The following ARHGAP35 variants were observed in gnomAD, a reference collection of about 807,000 sequenced individuals.
The protein encoded by ARHGAP35 is Rho GTPase activating protein 35, also known as rho GTPase-activating protein 35.
In ARHGAP35, 15 loss-of-function variants were observed where a neutral mutation model predicts 111.1. The ratio of observed to expected loss-of-function variants is 0.13; its 90% CI spans 0.09 to 0.21. ARHGAP35 has a LOEUF of 0.21. Ranked by LOEUF, ARHGAP35 falls within the 10% of genes least tolerant of loss-of-function variation. The pLI is 1.00. For missense variants in ARHGAP35, 1,262 were observed against 1,873.0 expected (o/e 0.67, Z 6.02); for synonymous variants, 643 against 710.3 (o/e 0.91, Z 1.51).
Position 46,862,511 on chromosome 19 carries a change from G to A in ARHGAP35, c.-189+1302G>A, listed in dbSNP as rs144320236. On this transcript the variant is annotated intron_variant, in intron 1 of 6. Transcript: ENST00000672722. Reference sequence around the variant, plus strand: ...TATACCTCTGATACCTCCCGGGCTGGTCACCCATCCCCTTCCTGTTCTGCA... The same window carrying A: ...TATACCTCTGATACCTCCCGGGCTGATCACCCATCCCCTTCCTGTTCTGCA... Among the ~76,000 whole-genome samples the A allele has an allele frequency of 1.1e-3, 169 of 151,694 alleles. 2 individuals carry two copies. The Middle Eastern group carries it at 0.021, about 19-fold the overall frequency.
At chr19:46,947,205 A>G (rs566246862) in intron 3 of ARHGAP35, 1 of 152,328 alleles carries the variant, frequency 6.6e-6, no homozygotes, top group Non-Finnish European at 1.5e-5. Context: ...TATTGACTTT[A>G]TATTAATTAA....
intron 3 of ARHGAP35, among the ~76,000 whole-genome samples, chr19:46,941,472 G>A (rs1290383551): frequency 6.6e-6 from 1 of 151,884 alleles, no homozygotes; most frequent in African/African-American, 2.4e-5. Context: ...GGAGGCCGAG[G>A]TGGGAGAATT....
chr19:46,880,699 T>C (rs2055957146), intron 1 of ARHGAP35, among the ~76,000 whole-genome samples: 1 of 151,976 alleles, frequency 6.6e-6, no homozygotes. Flanking sequence ...TTTTAAGAGA[T>C]GAGGTCTTGC....
intron 3 of ARHGAP35, among the ~76,000 whole-genome samples, chr19:46,952,322 C>A (rs1350762187): frequency 6.6e-6 from 1 of 152,082 alleles, no homozygotes; most frequent in African/African-American, 2.4e-5. Context: ...TTATGATCCT[C>A]CAAATAAATT....
chr19:46,864,098 C>G (rs765444866), intron 1 of ARHGAP35, among the ~76,000 whole-genome samples: 39 of 152,166 alleles, frequency 2.6e-4, no homozygotes, highest in Non-Finnish European at 5.1e-4. Context: ...GTGGGTGGGC[C>G]CTGACATTCC....
chr19:46,906,525 A>G (rs1007112634), intron 1 of ARHGAP35, among the ~76,000 whole-genome samples: 7 of 152,162 alleles, frequency 4.6e-5, no homozygotes, highest in South Asian at 2.1e-4. Context: ...GGGAGATTGT[A>G]TAGAAAAGTG....
chr19:46,947,955 GTGCAGCTTCCA>G (rs1402829804), intron 3 of ARHGAP35: 1 of 152,268 alleles, frequency 6.6e-6, no homozygotes, highest in African/African-American at 2.4e-5. Flanking sequence ...GGGGAAGGTC[GTGCAGCTTCCA>G]TGCCCTCCCT....
rs1490810234 is a variant in ARHGAP35 at position 46,993,546 on chromosome 19, T to A, written c.4036+3871T>A. On this transcript the variant is annotated intron_variant, in intron 5 of 6. Coordinates refer to ENST00000672722, the MANE Select transcript of ARHGAP35 (RefSeq NM_004491.5). The surrounding 1 kb of genome is among the most constrained non-coding windows in gnomAD (Gnocchi z 4.6). ...TGGTGTGTCTGTTTTGTAAGAGGTA[T>A]GGGAAGCTAATCGGTAAGGTCCCTG... Among the ~76,000 whole-genome samples, 1 of 152,186 alleles carries A rather than the reference T, an allele frequency of 6.6e-6. No individual in the cohort carries two copies. Among genetic ancestry groups the A allele is most frequent in the Non-Finnish European group, 1.5e-5 (1 of 68,026 alleles).
rs2056731607 is a variant in ARHGAP35 at position 46,999,058 on chromosome 19, A to T, written c.4037-246A>T. The T allele has an allele frequency of 7.8e-6, 4 of 513,568 alleles. No homozygotes were observed. In the Admixed American group the frequency reaches 1.3e-4, roughly 17 times the overall value. The allele number at this position is 513,568 out of a possible 1,614,324, so 31.8% of individuals were successfully genotyped here. On this transcript the variant is annotated intron_variant, in intron 5 of 6. Transcript: ENST00000672722. This position sits in a 1 kb window ranked among gnomAD's most constrained non-coding sequence, Gnocchi z 5.4. ...TGTTCTGTCTTGGGTGGTGGGGGCC[A>T]GGAAGCCCCAGGCACACAGTGCCGC... is the stretch of plus-strand genomic sequence containing the variant.
rs767101231 is a variant in ARHGAP35, at chr19:46,921,343, G to A, written c.2668G>A (p.Asp890Asn). Residue 890 changes from aspartate (D) to asparagine (N), a missense_variant, in exon 2 of 7, where the codon GAT (aspartate) becomes AAT (asparagine). Asp to Asn is a conservative substitution (Grantham distance 23). Transcript: ENST00000672722. The surrounding 1 kb of genome is among the most constrained non-coding windows in gnomAD (Gnocchi z 4.3). ...CCCTATTCAGCTTGTAGCACTCACT[G>A]ATGGCGCTGTAGATGTCCTGGACAA... ...IIPIQLVALTDGAVDVLDNDL... is the reference protein window; with the variant it reads ...IIPIQLVALTNGAVDVLDNDL... 7 of 1,613,976 alleles carry A rather than the reference G, an allele frequency of 4.3e-6. No homozygotes were observed. The highest frequency in any genetic ancestry group is 5.1e-6 in the Non-Finnish European group (6 of 1,179,904).
At chr19:46,863,562 C>T (rs1249958816) in intron 1 of ARHGAP35, among the ~76,000 whole-genome samples, 1 of 152,052 alleles carries the variant, frequency 6.6e-6, no homozygotes, top group Admixed American at 6.6e-5. Flanking sequence ...TTCTCACTTT[C>T]CCTCCTTCCT....
At chr19:46,911,976 G>C (rs962325025) in intron 1 of ARHGAP35, among the ~76,000 whole-genome samples, 5 of 151,678 alleles carry the variant, frequency 3.3e-5, no homozygotes, top group African/African-American at 1.2e-4. Context: ...TGGAAGCATT[G>C]GGTTTTAAGA....
At chr19:46,939,082 C>T (rs1243229252) in intron 3 of ARHGAP35, among the ~76,000 whole-genome samples, 1 of 152,166 alleles carries the variant, frequency 6.6e-6, no homozygotes, top group Non-Finnish European at 1.5e-5. Flanking sequence ...ATAATCATTA[C>T]AGATCTATAG....
intron 3 of ARHGAP35, among the ~76,000 whole-genome samples, chr19:46,942,010 T>C (rs1486374945): frequency 6.6e-6 from 1 of 152,170 alleles, no homozygotes; most frequent in East Asian, 1.9e-4. Context: ...GTTTGTACTT[T>C]TATGGAATTT....
intron 3 of ARHGAP35, among the ~76,000 whole-genome samples, chr19:46,971,105 G>T (rs1265363785): frequency 6.6e-6 from 1 of 152,134 alleles, no homozygotes; most frequent in Non-Finnish European, 1.5e-5. Flanking sequence ...CCATGTGTAT[G>T]AACTAAAAAT....
At position 47,000,272 on chromosome 19, in the gene ARHGAP35, G is replaced by A. The variant is rs746789583; in HGVS notation, c.4143-59G>A. On this transcript the variant is annotated intron_variant, in intron 6 of 6. Coordinates refer to ENST00000672722, the MANE Select transcript of ARHGAP35 (RefSeq NM_004491.5). The surrounding 1 kb of genome is among the most constrained non-coding windows in gnomAD (Gnocchi z 6.9). ...AGCCTGGGTGCTGAAGACCATGAGC[G>A]CCCAGGGCCAGGTGGGGCCCTGCAC... 3.3e-5 allele frequency: 51 copies of A among 1,547,260 alleles called. No individual in the cohort carries two copies. Among genetic ancestry groups the A allele is most frequent in the South Asian group, 4.8e-5 (4 of 83,326 alleles).
intron 1 of ARHGAP35, among the ~76,000 whole-genome samples, chr19:46,881,242 A>G (rs311360): frequency 0.26 from 39,904 of 152,034 alleles, 5,754 homozygotes; most frequent in Middle Eastern, 0.43. Context: ...GTCCAGCTCA[A>G]GTGAATGTTC....
Position 46,922,981 on chromosome 19 carries a change from G to A in ARHGAP35, c.3681+625G>A, listed in dbSNP as rs1453557367. 6.6e-6 allele frequency among the ~76,000 whole-genome samples: 1 copy of A among 152,046 alleles called. No individual in the cohort carries two copies. Among genetic ancestry groups the A allele is most frequent in the Non-Finnish European group, 1.5e-5 (1 of 68,010 alleles). ...AGGGAGTTGCTGCTGCTATCAGTCA[G>A]AAACTCGGATTTTATTTAGGGATCA... On this transcript the variant is annotated intron_variant, in intron 2 of 6. Coordinates refer to ENST00000672722, the MANE Select transcript of ARHGAP35 (RefSeq NM_004491.5). This position sits in a 1 kb window ranked among gnomAD's most constrained non-coding sequence, Gnocchi z 4.0.
rs905209912 is a variant in ARHGAP35, at chr19:46,908,771, C to G, written c.-188-9717C>G. Among the ~76,000 whole-genome samples the G allele has an allele frequency of 2.0e-5, 3 of 152,060 alleles. No homozygotes were observed. The highest frequency in any genetic ancestry group is 4.8e-5 in the African/African-American group (2 of 41,412). On this transcript the variant is annotated intron_variant, in intron 1 of 6. Transcript: ENST00000672722. The surrounding 1 kb of genome is among the most constrained non-coding windows in gnomAD (Gnocchi z 4.2). ...GGACCAGCCTGTAGAGTTCTGCAAG[C>G]CTGGAAGCATGAGAACTGTGGCGGG...
Sources: gnomAD v4.1 joint callset for allele counts (sites outside exome capture counted in the v4.1 genomes callset) on GRCh38, gnomAD v4.1.1 for gene constraint, Gnocchi (gnomAD v3.1) non-coding constraint, MANE v1.5 for transcripts, NCBI Gene and HGNC (gene_info 2026-07-23, HGNC 2026-07-21) for gene names.